PTPN3: variants seen among roughly 807,000 people sequenced by gnomAD.
PTPN3 encodes tyrosine-protein phosphatase non-receptor type 3.
PTPN3 carries 96 observed loss-of-function variants against 132.7 expected under a neutral mutation model. The ratio of observed to expected loss-of-function variants is 0.72; its 90% CI spans 0.61 to 0.86. PTPN3 has a LOEUF of 0.86. PTPN3 is among the 40% of genes least tolerant of loss of function. The pLI is 0.00. For missense variants in PTPN3, 1,125 were observed against 1,159.6 expected (o/e 0.97, Z 0.43); for synonymous variants, 398 against 429.0 (o/e 0.93, Z 0.89).
At chr9:109,391,374 C>A (rs1840074197) in intron 20 of PTPN3, 97 bp downstream of exon 20, 1 of 1,370,772 alleles carries the variant, frequency 7.3e-7, no homozygotes, top group Admixed American at 2.0e-5. Flanking sequence ...TTTACAGACA[C>A]ACTGAAAATC....
At chr9:109,390,472 G>A (rs559239635) in intron 21 of PTPN3, among the ~76,000 whole-genome samples, 2 of 152,286 alleles carry the variant, frequency 1.3e-5, no homozygotes, top group East Asian at 3.9e-4. Context: ...CCCAGGTTCA[G>A]ATAGCATTAG....
At chr9:109,414,441 GCA>G (rs1327896889) in intron 14 of PTPN3, among the ~76,000 whole-genome samples, 2 of 152,198 alleles carry the variant, frequency 1.3e-5, no homozygotes, top group East Asian at 3.8e-4. Flanking sequence ...CACCCAGAGG[GCA>G]CAGTTTCTTC....
Position 109,452,473 on chromosome 9 carries a change from A to G in PTPN3, c.368+2023T>C, listed in dbSNP as rs1340356446. Among the ~76,000 whole-genome samples the G allele has an allele frequency of 2.6e-5, 4 of 152,042 alleles. No individual in the cohort carries two copies. The South Asian group carries it at 6.2e-4, about 24-fold the overall frequency. ...CACACGTACACATGTACATACATAC[A>G]TAATCACACACATTATATATAATAT... is the stretch of plus-strand genomic sequence containing the variant. On this transcript the variant is annotated intron_variant, in intron 5 of 25. Coordinates refer to ENST00000374541, the MANE Select transcript of PTPN3 (RefSeq NM_002829.4).
intron 1 of PTPN3, among the ~76,000 whole-genome samples, chr9:109,465,435 C>T (rs1168423186): frequency 1.3e-5 from 2 of 152,152 alleles, no homozygotes; most frequent in Non-Finnish European, 2.9e-5. Flanking sequence ...ACTAGCCAGG[C>T]ATGGTGGCAT....
chr9:109,513,755 CAG>C, the PTPN3 span, among the ~76,000 whole-genome samples: 1 of 152,124 alleles, frequency 6.6e-6, no homozygotes, highest in African/African-American at 2.4e-5. Context: ...GCTTTCTGTG[CAG>C]AGACTTATGA....
At chr9:109,515,202 T>G in the PTPN3 span, among the ~76,000 whole-genome samples, 1 of 152,178 alleles carries the variant, frequency 6.6e-6, no homozygotes, top group Admixed American at 6.5e-5. Flanking sequence ...TTTGAAATTT[T>G]TTTGTAGAGA....
intron 7 of PTPN3, among the ~76,000 whole-genome samples, chr9:109,443,854 G>A (rs1436793186): frequency 6.6e-6 from 1 of 152,178 alleles, no homozygotes; most frequent in East Asian, 1.9e-4. Flanking sequence ...ACTAACTCTG[G>A]TACTCGTCTT....
At position 109,413,179 on chromosome 9, in the gene PTPN3, C is replaced by T. The variant is rs1364935182; in HGVS notation, c.1314-2764G>A. Among the ~76,000 whole-genome samples, 8 of 151,536 alleles carry T rather than the reference C, an allele frequency of 5.3e-5. No homozygotes were observed. In the East Asian group the frequency reaches 1.4e-3, roughly 26 times the overall value. ...CCATGTTAGTCAGGATGGTCTCGAT[C>T]TCTTGACCTTGTGATCTGCCCGCCT... On this transcript the variant is annotated intron_variant, in intron 14 of 25. Transcript: ENST00000374541.
chr9:109,505,554 C>T, the PTPN3 span, among the ~76,000 whole-genome samples: 2 of 152,226 alleles, frequency 1.3e-5, no homozygotes, highest in Non-Finnish European at 2.9e-5. Flanking sequence ...GTTGGGATTA[C>T]AGGCGTGAGC....
In PTPN3 at chr9:109,463,356, A is replaced by G. The variant is rs1445915930; in HGVS notation, c.79T>C (p.Ser27Pro). Residue 27 changes from serine (S) to proline (P), a missense_variant, in exon 2 of 26, where the codon TCA becomes CCA. Ser to Pro is a moderately conservative substitution (Grantham distance 74). Transcript: ENST00000374541. ...AAGTGGATGCTGCAAATGACTTCTG[A>G]TCGAGTTTTCTCTTTGGGTAACTCC... is the stretch of plus-strand genomic sequence containing the variant. ...TSELPKEKTRSEVICSIHFLD... is the reference protein window; with the variant it reads ...TSELPKEKTRPEVICSIHFLD... The G allele has an allele frequency of 3.7e-6, 6 of 1,613,892 alleles. No individual in the cohort carries two copies.
chr9:109,489,509 T>A (rs951118669), intron 1 of PTPN3, among the ~76,000 whole-genome samples: 1 of 152,136 alleles, frequency 6.6e-6, no homozygotes, highest in Non-Finnish European at 1.5e-5. Context: ...ACGTCCGGAT[T>A]TACCTAGGGC....
the PTPN3 span, among the ~76,000 whole-genome samples, chr9:109,505,744 C>G: frequency 6.6e-6 from 1 of 151,722 alleles, no homozygotes; most frequent in Admixed American, 6.6e-5. Flanking sequence ...AGGATCAGAA[C>G]ATCAACTTCT....
chr9:109,422,869 A>G lies in PTPN3; in HGVS notation c.1002-17T>C, dbSNP rs1196198405. 1.9e-6 allele frequency: 3 copies of G among 1,610,742 alleles called. No homozygotes were observed. The highest frequency in any genetic ancestry group is 2.5e-6 in the Non-Finnish European group (3 of 1,177,174). Reference sequence around the variant, plus strand: ...TTTACCGACCTGAAAAACCAGATGCAGGTTCACTTTCTACACTGACGTTCA... The same window carrying G: ...TTTACCGACCTGAAAAACCAGATGCGGGTTCACTTTCTACACTGACGTTCA... On this transcript the variant is annotated splice_polypyrimidine_tract_variant and intron_variant, in intron 12 of 25. Transcript: ENST00000374541.
the PTPN3 span, among the ~76,000 whole-genome samples, chr9:109,514,057 G>A: frequency 6.6e-5 from 10 of 152,142 alleles, no homozygotes; most frequent in East Asian, 1.7e-3. Flanking sequence ...ACTCCAAGCC[G>A]CATGTCCCAA....
At position 109,428,963 on chromosome 9, in the gene PTPN3, C is replaced by T. The variant is rs531315340; in HGVS notation, c.765-279G>A. 4 of 985,414 alleles carry T rather than the reference C, an allele frequency of 4.1e-6. No homozygotes were observed. In the South Asian group the frequency reaches 1.9e-4, roughly 46 times the overall value. 61.0% of individuals were successfully genotyped at this position (985,414 alleles called of 1,614,324 possible). On this transcript the variant is annotated intron_variant, in intron 10 of 25. Transcript: ENST00000374541. ...CATGCGCTCTCTTTGCTATAAGCTG[C>T]TTTTGTGGCACTGCAGCTCTGCGTG... is the stretch of plus-strand genomic sequence containing the variant.
chr9:109,432,197 T>C (rs917822771), intron 10 of PTPN3, among the ~76,000 whole-genome samples: 1 of 151,932 alleles, frequency 6.6e-6, no homozygotes, highest in Non-Finnish European at 1.5e-5. Flanking sequence ...ATGAACATCT[T>C]TGTGTTTCAG....
intron 19 of PTPN3, among the ~76,000 whole-genome samples, chr9:109,395,070 G>T (rs1434766501): frequency 6.6e-6 from 1 of 151,716 alleles, no homozygotes; most frequent in East Asian, 1.9e-4. Context: ...AACCAGGGAG[G>T]CAGAGCTTGC....
intron 20 of PTPN3, 122 bp downstream of exon 20, chr9:109,391,349 A>G (rs1290856316): frequency 4.7e-6 from 6 of 1,288,922 alleles, no homozygotes; most frequent in African/African-American, 1.5e-5. Flanking sequence ...AATGGCTGCA[A>G]TAAAGACGGT....
the PTPN3 span, among the ~76,000 whole-genome samples, chr9:109,508,184 G>A: frequency 2.1e-5 from 3 of 145,196 alleles, no homozygotes; most frequent in East Asian, 4.3e-4. Context: ...TTTTTGAGAT[G>A]GCGTTTCGCT....
Sources: gnomAD v4.1 joint callset for allele counts (sites outside exome capture counted in the v4.1 genomes callset) on GRCh38, gnomAD v4.1.1 for gene constraint, MANE v1.5 for transcripts, NCBI Gene and HGNC (gene_info 2026-07-23, HGNC 2026-07-21) for gene names.